The following KIF14 variants were observed in gnomAD, a reference collection of about 807,000 sequenced individuals.
KIF14 encodes kinesin family member 14.
KIF14 carries 98 observed loss-of-function variants against 176.2 expected under a neutral mutation model. The observed-to-expected ratio is 0.56, with a 90% confidence interval of 0.47 to 0.66. The LOEUF is 0.66. Ranked by LOEUF, KIF14 falls within the 30% of genes least tolerant of loss-of-function variation. The pLI is 0.00. For synonymous variants in KIF14, 566 were observed against 632.2 expected, an observed-to-expected ratio of 0.90 and a Z score of 1.57; for missense variants, 1,751 against 1,920.4, an observed-to-expected ratio of 0.91 and a Z score of 1.65.
At chr1:200,560,916 T>A (rs771528364) in intron 25 of KIF14, 36 bp from the exon 26 acceptor site, 1 of 1,583,688 alleles carries the variant, frequency 6.3e-7, no homozygotes, top group African/African-American at 1.3e-5. Context: ...ATCAGATACA[T>A]GAGATTATAA....
chr1:200,576,655 A>G (rs1369756433), intron 21 of KIF14, among the ~76,000 whole-genome samples: 1 of 152,208 alleles, frequency 6.6e-6, no homozygotes, highest in Non-Finnish European at 1.5e-5. Flanking sequence ...AATACATATA[A>G]ACACAAACAA....
chr1:200,553,798 T>C (rs1656687444), intron 29 of KIF14, 31 bp from the exon 30 acceptor site: 1 of 1,541,932 alleles, frequency 6.5e-7, no homozygotes, highest in Non-Finnish European at 8.7e-7. Context: ...AAAAGTTAAT[T>C]AGCCTTTTCA....
chr1:200,582,209 TA>T (rs564492679), intron 19 of KIF14, among the ~76,000 whole-genome samples: 162 of 152,030 alleles, frequency 1.1e-3, no homozygotes, highest in African/African-American at 3.7e-3. Context: ...ACCCTATCTC[TA>T]GAAAATAAAA....
chr1:200,563,176 T>C (rs1049006992), intron 25 of KIF14, among the ~76,000 whole-genome samples: 2 of 152,150 alleles, frequency 1.3e-5, no homozygotes, highest in African/African-American at 2.4e-5. Context: ...AGCTAGTAAA[T>C]AGCCCATTCA....
intron 19 of KIF14, among the ~76,000 whole-genome samples, chr1:200,585,821 C>T (rs759458978): frequency 9.9e-5 from 15 of 152,122 alleles, no homozygotes; most frequent in Non-Finnish European, 1.6e-4. Context: ...TGCCAAAGAC[C>T]TCCACTTCCT....
At chr1:200,611,591 A>C (rs1660157647) in intron 4 of KIF14, among the ~76,000 whole-genome samples, 3 of 152,212 alleles carry the variant, frequency 2.0e-5, no homozygotes, top group Admixed American at 2.0e-4. Context: ...AGGAGGACTT[A>C]GAAATGAAAA....
Position 200,580,511 on chromosome 1 carries a change from T to A in KIF14, c.3336-128A>T, listed in dbSNP as rs1024978550. ...CTGATTAAGTCTTTCCACAGTTAAG[T>A]ATTTTTATTATAGTAATAATCATAT... On this transcript the variant is annotated intron_variant, in intron 20 of 29. Transcript: ENST00000367350. The A allele has an allele frequency of 3.9e-4, 162 of 412,670 alleles. 1 individual carries two copies. The highest frequency in any genetic ancestry group is 2.0e-3 in the South Asian group (18 of 8,966). 25.6% of individuals were successfully genotyped at this position (412,670 alleles called of 1,614,324 possible).
intron 27 of KIF14, among the ~76,000 whole-genome samples, chr1:200,557,556 G>A (rs529714614): frequency 6.6e-6 from 1 of 152,154 alleles, no homozygotes; most frequent in African/African-American, 2.4e-5. Flanking sequence ...GGAAGTAGGA[G>A]AGCAGCTTAA....
rs12093062 is a variant in KIF14 at position 200,581,038 on chromosome 1, C to T, written c.3335+163G>A. 0.16 allele frequency among the ~76,000 whole-genome samples: 22,585 copies of T among 142,320 alleles called. 2,208 individuals are homozygous for T. The highest frequency in any genetic ancestry group is 0.41 in the East Asian group (1,974 of 4,862). The allele number at this position is 142,320 out of a possible 152,430, so 93.4% of individuals were successfully genotyped here. The stretch of plus-strand genomic sequence containing the variant: ...CTGAGGCAGGAGAATTGCTTGAACC[C>T]GGGAGGTGGAGGTTGCAGTGAGCCC... On this transcript the variant is annotated intron_variant, in intron 20 of 29. Coordinates refer to ENST00000367350, the MANE Select transcript of KIF14 (RefSeq NM_014875.3).
At chr1:200,606,911 AT>A (rs1449719103) in intron 5 of KIF14, 113 bp from the exon 6 acceptor site, 1 of 893,430 alleles carries the variant, frequency 1.1e-6, no homozygotes, top group Non-Finnish European at 1.8e-6. Context: ...TCTTTATTTT[AT>A]CCAGGAAAAA....
At chr1:200,567,373 C>T (rs1312525322) in intron 23 of KIF14, among the ~76,000 whole-genome samples, 1 of 151,748 alleles carries the variant, frequency 6.6e-6, no homozygotes, top group Non-Finnish European at 1.5e-5. Flanking sequence ...AACCCCGTCT[C>T]TACTAAAAAT....
intron 26 of KIF14, 91 bp from the exon 27 acceptor site, chr1:200,559,543 A>G (rs964875349): frequency 2.6e-5 from 17 of 662,056 alleles, no homozygotes; most frequent in Admixed American, 4.1e-5. Context: ...TTAAATTATC[A>G]AGTAATTAAG....
At chr1:200,613,428 T>C in intron 4 of KIF14, among the ~76,000 whole-genome samples, 1 of 152,208 alleles carries the variant, frequency 6.6e-6, no homozygotes, top group Non-Finnish European at 1.5e-5. Context: ...TTATATGTCC[T>C]CACTTACATG....
intron 12 of KIF14, 57 bp downstream of exon 12, chr1:200,600,299 C>G (rs1659559571): frequency 6.4e-7 from 1 of 1,551,042 alleles, no homozygotes; most frequent in Non-Finnish European, 8.9e-7. Flanking sequence ...AGGTCCCTGC[C>G]ATTCCTATGA....
Position 200,590,109 on chromosome 1 carries a change from T to C in KIF14, c.2961+16A>G. The C allele has an allele frequency of 1.3e-6, 2 of 1,590,912 alleles. No individual in the cohort carries two copies. The highest frequency in any genetic ancestry group is 2.2e-5 in the South Asian group (2 of 88,910). ...CACTGTCGGAAAAAAAAAATAAAAC[T>C]AATTCTGCCTTTTACCAGTTCTGCT... On this transcript the variant is annotated intron_variant, in intron 17 of 29. Coordinates refer to ENST00000367350, the MANE Select transcript of KIF14 (RefSeq NM_014875.3).
At chr1:200,581,355 A>G in intron 19 of KIF14, 61 bp from the exon 20 acceptor site, 1 of 821,544 alleles carries the variant, frequency 1.2e-6, no homozygotes, top group Non-Finnish European at 1.9e-6. Flanking sequence ...ATATACCATT[A>G]GGCAAAACAA....
chr1:200,559,791 G>T (rs1187006731), intron 26 of KIF14, among the ~76,000 whole-genome samples: 1 of 149,092 alleles, frequency 6.7e-6, no homozygotes, highest in African/African-American at 2.5e-5. Context: ...TTTCGCTCAT[G>T]TTGCCCAGGC....
Position 200,600,062 on chromosome 1 carries a change from T to C in KIF14, c.2352A>G (p.Thr784=). The C allele has an allele frequency of 6.3e-7, 1 of 1,584,250 alleles. No individual in the cohort carries two copies. Among genetic ancestry groups the C allele is most frequent in the Non-Finnish European group, 8.6e-7 (1 of 1,156,270 alleles). The part of the protein sequence containing the change: ...EQAEKRKLQE[T]KELQKAGIMF... ...GTTGAAATAATACCTGTAACTCTTTTGTTTCTTGAAGTTTTCTTTTTTCAG... is the reference window on the plus strand; with the variant it reads ...GTTGAAATAATACCTGTAACTCTTTCGTTTCTTGAAGTTTTCTTTTTTCAG... Residue 784 remains threonine (T), a synonymous_variant, in exon 13 of 30, where the codon ACA becomes ACG. Transcript: ENST00000367350.
chr1:200,558,579 T>C (rs1247246836), intron 27 of KIF14, among the ~76,000 whole-genome samples: 2 of 152,198 alleles, frequency 1.3e-5, no homozygotes, highest in Admixed American at 6.5e-5. Flanking sequence ...ATAGGGCTTT[T>C]TCTTACTGAC....
Sources: allele counts gnomAD v4.1 joint callset (sites outside exome capture counted in the v4.1 genomes callset), GRCh38; gene constraint gnomAD v4.1.1; transcripts MANE v1.5; gene names NCBI Gene and HGNC (gene_info 2026-07-23, HGNC 2026-07-21).